FXR2: variants seen among roughly 807,000 people sequenced by gnomAD.
FXR2 encodes the protein FMR1 autosomal homolog 2.
In FXR2, 9 loss-of-function variants were observed where a neutral mutation model predicts 87.3. That is an observed-to-expected ratio of 0.10 (90% confidence interval 0.06 to 0.18). The LOEUF (loss-of-function observed/expected upper bound fraction) is 0.18, where lower values mean the gene tolerates loss of function less well. Ranked by LOEUF, FXR2 falls within the 10% of genes least tolerant of loss-of-function variation. FXR2 has a pLI of 1.00. For missense variants in FXR2, 661 were observed against 893.6 expected (o/e 0.74, Z 3.32); for synonymous variants, 331 against 328.3 (o/e 1.01, Z -0.09).
chr17:7,614,315 G>A (rs2071916112), intron 1 of FXR2, 137 bp downstream of exon 1: 3 of 702,396 alleles, frequency 4.3e-6, no homozygotes, highest in Admixed American at 2.5e-5. Context: ...CCCAGGGAAG[G>A]CTGCGGGTTG....
Position 7,595,155 on chromosome 17 carries a change from AAAAC to A in FXR2, c.832-402_832-399del, listed in dbSNP as rs2071697470. On this transcript the variant is annotated intron_variant, in intron 8 of 16. Coordinates refer to ENST00000250113, the MANE Select transcript of FXR2 (RefSeq NM_004860.4). This position sits in a 1 kb window ranked among gnomAD's most constrained non-coding sequence, Gnocchi z 4.7. ...TAAACAAATAAATAACTTAAAAAAA[AAAAC>A]AGAGGACCTTGGCCAGGCACAGCGG... is the stretch of plus-strand genomic sequence containing the variant. 6.6e-6 allele frequency among the ~76,000 whole-genome samples: 1 copy of A among 152,044 alleles called. No homozygotes were observed. The highest frequency in any genetic ancestry group is 1.5e-5 in the Non-Finnish European group (1 of 68,008).
intron 6 of FXR2, 80 bp from the exon 7 acceptor site, chr17:7,601,605 A>G: frequency 1.2e-6 from 1 of 859,710 alleles, no homozygotes; most frequent in South Asian, 1.3e-5. Context: ...AGAAATCAGG[A>G]TGCCTAAGTC....
rs1205526359 is a variant in FXR2, at chr17:7,592,617, A to G, written c.1730-18T>C. 6.2e-7 allele frequency: 1 copy of G among 1,613,134 alleles called. No homozygotes were observed. The highest frequency in any genetic ancestry group is 8.5e-7 in the Non-Finnish European group (1 of 1,179,430). On this transcript the variant is annotated intron_variant, in intron 14 of 16. Coordinates refer to ENST00000250113, the MANE Select transcript of FXR2 (RefSeq NM_004860.4). This position sits in a 1 kb window ranked among gnomAD's most constrained non-coding sequence, Gnocchi z 4.8. ...TTCATCTTCTGTAGGGTAGGAAAAA[A>G]CCAGAGTCACACATCCAACCTCCCA...
Position 7,592,606 on chromosome 17 carries a change from G to A in FXR2, c.1730-7C>T. ...TGAGGTCTTGATTCATCTTCTGTAG[G>A]GTAGGAAAAAACCAGAGTCACACAT... On this transcript the variant is annotated splice_polypyrimidine_tract_variant and splice_region_variant and intron_variant, in intron 14 of 16. Transcript: ENST00000250113. The surrounding 1 kb of genome is among the most constrained non-coding windows in gnomAD (Gnocchi z 4.8). The A allele has an allele frequency of 6.2e-7, 1 of 1,613,452 alleles. No homozygotes were observed. The highest frequency in any genetic ancestry group is 8.5e-7 in the Non-Finnish European group (1 of 1,179,650).
chr17:7,595,966 T>C lies in FXR2; in HGVS notation c.689A>G (p.Gln230Arg). 1 of 1,613,676 alleles carries C rather than the reference T, an allele frequency of 6.2e-7. No individual in the cohort carries two copies. The highest frequency in any genetic ancestry group is 8.5e-7 in the Non-Finnish European group (1 of 1,179,722). The change falls in exon 8 of 17, where the codon CAA becomes CGA. Residue 230 changes from glutamine to arginine, a missense_variant. By Grantham distance (43) the Gln-to-Arg change is conservative. Transcript: ENST00000250113. The surrounding 1 kb of genome is among the most constrained non-coding windows in gnomAD (Gnocchi z 4.7). ...GTCCTCTCGCACTGTGAACTCCTCT[T>C]GGAAGGCTGCTGCCAACTGCTTGCT... Reference protein sequence around the residue: ...ETSKQLAAAFQEEFTVREDLM... With the variant: ...ETSKQLAAAFREEFTVREDLM...
chr17:7,598,179 A>T (rs2071723257), intron 7 of FXR2, among the ~76,000 whole-genome samples: 1 of 152,132 alleles, frequency 6.6e-6, no homozygotes, highest in Non-Finnish European at 1.5e-5. Context: ...GGCCGGGCAC[A>T]GTGGCTCTCG....
chr17:7,601,530 G>C lies in FXR2; in HGVS notation c.544-5C>G. Reference sequence around the variant, plus strand: ...CACAGGGGCTTCTGTGGTTGACTGGGAGGAAACCAGTGGGAAAGTCATTAA... The same window carrying C: ...CACAGGGGCTTCTGTGGTTGACTGGCAGGAAACCAGTGGGAAAGTCATTAA... On this transcript the variant is annotated splice_region_variant and splice_polypyrimidine_tract_variant and intron_variant, in intron 6 of 16. Coordinates refer to ENST00000250113, the MANE Select transcript of FXR2 (RefSeq NM_004860.4). 1.3e-6 allele frequency: 2 copies of C among 1,552,060 alleles called. No homozygotes were observed. The highest frequency in any genetic ancestry group is 1.8e-6 in the Non-Finnish European group (2 of 1,124,106).
intron 3 of FXR2, 47 bp from the exon 4 acceptor site, chr17:7,604,127 G>A (rs1430410340): frequency 7.0e-7 from 1 of 1,423,306 alleles, no homozygotes; most frequent in South Asian, 1.2e-5. Flanking sequence ...CCACCCAAAA[G>A]CATCAAGAAA....
At chr17:7,608,448 T>A (rs970101024) in intron 1 of FXR2, among the ~76,000 whole-genome samples, 2,336 of 147,958 alleles carry the variant, frequency 0.016, 33 homozygotes, top group Non-Finnish European at 0.024. Context: ...AAAAAAATAA[T>A]AATAATAATA....
At chr17:7,599,037 C>T (rs1449273561) in intron 7 of FXR2, among the ~76,000 whole-genome samples, 1 of 151,588 alleles carries the variant, frequency 6.6e-6, no homozygotes, top group Non-Finnish European at 1.5e-5. Flanking sequence ...CCTGGGAGGC[C>T]GAGGCACAAG....
chr17:7,608,352 G>A lies in FXR2; in HGVS notation c.82-2203C>T, dbSNP rs537854056. On this transcript the variant is annotated intron_variant, in intron 1 of 16. Coordinates refer to ENST00000250113, the MANE Select transcript of FXR2 (RefSeq NM_004860.4). ...CACACGCCTGTAATCCCAACACTGG[G>A]AGGCCGAGGCTGGCAGATCAGCTGA... 6.9e-4 allele frequency among the ~76,000 whole-genome samples: 105 copies of A among 151,368 alleles called. 1 individual carries two copies. Among genetic ancestry groups the A allele is most frequent in the Non-Finnish European group, 1.3e-3 (89 of 67,874 alleles).
At chr17:7,603,500 C>A (rs1208671752) in intron 5 of FXR2, among the ~76,000 whole-genome samples, 1 of 144,136 alleles carries the variant, frequency 6.9e-6, no homozygotes, top group Admixed American at 7.2e-5. Context: ...GCACTCCAGC[C>A]TGGGCAACAA....
At position 7,593,604 on chromosome 17, in the gene FXR2, C is replaced by T; in HGVS notation, c.1129G>A (p.Glu377Lys). ...AGCTGCTCATCAATTTGTAGCCTCT[C>T]CAAGCGAAGCTGCTCTACCTCCTGG... ...YLQEVEQLRL[E>K]RLQIDEQLRQ... is the part of the protein sequence containing the mutation. Residue 377 changes from glutamate (E) to lysine (K), a missense_variant, in exon 12 of 17, where the codon GAG becomes AAG. Physicochemically the swap from Glu to Lys is moderately conservative, Grantham distance 56. This residue lies in a region of FXR2 where 409 missense variants were observed against 432.0 expected (regional missense o/e 0.95). Transcript: ENST00000250113. The surrounding 1 kb of genome is among the most constrained non-coding windows in gnomAD (Gnocchi z 6.1). 2 of 1,590,620 alleles carry T rather than the reference C, an allele frequency of 1.3e-6. No homozygotes were observed. The highest frequency in any genetic ancestry group is 1.7e-6 in the Non-Finnish European group (2 of 1,169,662).
At chr17:7,603,493 C>T (rs1434808325) in intron 5 of FXR2, among the ~76,000 whole-genome samples, 1 of 145,214 alleles carries the variant, frequency 6.9e-6, no homozygotes, top group Non-Finnish European at 1.5e-5. Flanking sequence ...TGCCACTGCA[C>T]TCCAGCCTGG....
chr17:7,592,772 G>A lies in FXR2; in HGVS notation c.1651C>T (p.Arg551Cys), dbSNP rs372729860. The A allele has an allele frequency of 4.5e-5, 73 of 1,613,572 alleles. No individual in the cohort carries two copies. The highest frequency in any genetic ancestry group is 2.2e-4 in the East Asian group (10 of 44,858). Reference protein sequence around the residue: ...ASARRRRSRRRRTDEDRTVMD... With the variant: ...ASARRRRSRRCRTDEDRTVMD... Reference sequence around the variant, plus strand: ...ACGGTCCTGTCTTCATCAGTGCGGCGGCGGCGGGAGCGGCGGCGCCTGGCA... The same window carrying A: ...ACGGTCCTGTCTTCATCAGTGCGGCAGCGGCGGGAGCGGCGGCGCCTGGCA... Residue 551 changes from arginine to cysteine, a missense_variant, in exon 14 of 17, where the codon CGC becomes TGC. Physicochemically the swap from Arg to Cys is radical, Grantham distance 180. Coordinates refer to ENST00000250113, the MANE Select transcript of FXR2 (RefSeq NM_004860.4). This position sits in a 1 kb window ranked among gnomAD's most constrained non-coding sequence, Gnocchi z 4.8.
chr17:7,614,187 G>A (rs1004880110), intron 1 of FXR2: 27 of 664,530 alleles, frequency 4.1e-5, no homozygotes, highest in Middle Eastern at 7.7e-4. Context: ...AGCGGGGAGC[G>A]CCAAGCCAGG....
At chr17:7,608,110 A>G (rs1353542884) in intron 1 of FXR2, among the ~76,000 whole-genome samples, 1 of 151,560 alleles carries the variant, frequency 6.6e-6, no homozygotes, top group African/African-American at 2.4e-5. Context: ...TATTTTTAAT[A>G]TATTTTTAAA....
rs201194889 is a variant in FXR2 at position 7,593,064 on chromosome 17, C to T, written c.1448G>A (p.Arg483Gln). ...PPTRGEESRR[R>Q]PTGGRGRGPP... ...TCCCCTACCCCGGCCCCCAGTCGGC[C>T]GCCTCCGGCTTTCTTCCCCTCGGGT... is the stretch of plus-strand genomic sequence containing the variant. The change falls in exon 13 of 17, where the codon CGG becomes CAG. Residue 483 changes from arginine to glutamine, a missense_variant. Coordinates refer to ENST00000250113, the MANE Select transcript of FXR2 (RefSeq NM_004860.4). This position sits in a 1 kb window ranked among gnomAD's most constrained non-coding sequence, Gnocchi z 6.1. 3.3e-3 allele frequency: 5,272 copies of T among 1,587,458 alleles called. 14 individuals carry two copies. The highest frequency in any genetic ancestry group is 4.1e-3 in the Non-Finnish European group (4,829 of 1,169,242).
At chr17:7,596,268 A>G (rs1331553289) in intron 7 of FXR2, 1 of 280,142 alleles carries the variant, frequency 3.6e-6, no homozygotes, top group Non-Finnish European at 6.8e-6. Flanking sequence ...AGTGATTCTC[A>G]TGCCTCGGCC....
Sources: gnomAD v4.1 joint callset for allele counts (sites outside exome capture counted in the v4.1 genomes callset) on GRCh38, gnomAD v4.1.1 for gene constraint, gnomAD v4.1.1 regional missense constraint, Gnocchi (gnomAD v3.1) non-coding constraint, MANE v1.5 for transcripts, NCBI Gene and HGNC (gene_info 2026-07-23, HGNC 2026-07-21) for gene names.